The following MAP3K3 variants were observed in gnomAD, a reference collection of about 807,000 sequenced individuals.
MAP3K3 encodes MAP/ERK kinase kinase 3.
In MAP3K3, 12 loss-of-function variants were observed where a neutral mutation model predicts 80.9. The ratio of observed to expected loss-of-function variants is 0.15; its 90% CI spans 0.10 to 0.24. The LOEUF (loss-of-function observed/expected upper bound fraction) is 0.24, where lower values mean the gene tolerates loss of function less well. MAP3K3 is among the 10% of genes least tolerant of loss of function. MAP3K3 has a pLI of 1.00. For synonymous variants in MAP3K3, 272 were observed against 307.1 expected, an observed-to-expected ratio of 0.89 and a Z score of 1.19; for missense variants, 596 against 834.7, an observed-to-expected ratio of 0.71 and a Z score of 3.52.
intron 6 of MAP3K3, among the ~76,000 whole-genome samples, chr17:63,675,537 G>C (rs936017491): frequency 1.3e-5 from 2 of 152,196 alleles, no homozygotes; most frequent in Admixed American, 6.5e-5. Context: ...CATATCCGAG[G>C]GTGAGAGTGT....
chr17:63,651,428 AT>A (rs11327647), intron 3 of MAP3K3, among the ~76,000 whole-genome samples: 49,458 of 151,964 alleles, frequency 0.33, 9,337 homozygotes, highest in African/African-American at 0.52. Flanking sequence ...AGCCGTTATC[AT>A]TGCCACTGCA....
chr17:63,695,858 C>T lies in MAP3K3; in HGVS notation c.*2081C>T, dbSNP rs1003759883. On this transcript the variant is annotated 3_prime_UTR_variant, in exon 16 of 16. Transcript: ENST00000361733. The surrounding 1 kb of genome is among the most constrained non-coding windows in gnomAD (Gnocchi z 4.1). ...AAAACAGACCCTAATTTTTTTGTGC[C>T]AAAAACTGTGGACATGCTGGCTCAG... 1 of 152,534 alleles carries T rather than the reference C, an allele frequency of 6.6e-6. No individual in the cohort carries two copies. The highest frequency in any genetic ancestry group is 2.4e-5 in the African/African-American group (1 of 41,450). The allele number at this position is 152,534 out of a possible 1,614,324, so 9.4% of individuals were successfully genotyped here. A position where few individuals can be genotyped will look rare whatever the true frequency, so the allele number is the denominator to read the frequency against.
At chr17:63,649,449 GT>G (rs2034606542) in intron 3 of MAP3K3, among the ~76,000 whole-genome samples, 1 of 75,428 alleles carries the variant, frequency 1.3e-5, no homozygotes, top group Admixed American at 1.1e-4. Context: ...AAAAAAAAAA[GT>G]AGACAGGATC....
At chr17:63,688,461 C>T in intron 8 of MAP3K3, 66 bp from the exon 9 acceptor site, 14 of 1,291,556 alleles carry the variant, frequency 1.1e-5, no homozygotes, top group Non-Finnish European at 1.5e-5. Context: ...GGGAGACTGC[C>T]TGGACGCCCT....
At chr17:63,669,031 C>T (rs2035051527) in intron 6 of MAP3K3, among the ~76,000 whole-genome samples, 1 of 152,158 alleles carries the variant, frequency 6.6e-6, no homozygotes, top group South Asian at 2.1e-4. Flanking sequence ...GGCATGATCA[C>T]AAAAGAACTT....
At chr17:63,678,900 G>A (rs1229070183) in intron 6 of MAP3K3, among the ~76,000 whole-genome samples, 1 of 152,058 alleles carries the variant, frequency 6.6e-6, no homozygotes, top group African/African-American at 2.4e-5. Flanking sequence ...TATGGTGACG[G>A]CCACCTGTAA....
At chr17:63,651,303 T>C (rs891663786) in intron 3 of MAP3K3, among the ~76,000 whole-genome samples, 2 of 152,094 alleles carry the variant, frequency 1.3e-5, no homozygotes, top group African/African-American at 4.8e-5. Flanking sequence ...GGGCAACTTA[T>C]TGAGGCCCAT....
At chr17:63,668,061 T>C (rs555442543) in intron 6 of MAP3K3, 2 of 151,986 alleles carry the variant, frequency 1.3e-5, no homozygotes, top group South Asian at 4.1e-4. Flanking sequence ...TCTGGTCTTA[T>C]CAAACATCGT....
chr17:63,688,221 T>C (rs2035501202), intron 8 of MAP3K3: 2 of 460,332 alleles, frequency 4.3e-6, no homozygotes, highest in South Asian at 4.6e-5. Flanking sequence ...AAGGATTCTC[T>C]TGGAGCTCTT....
chr17:63,678,756 G>A (rs934013521), intron 6 of MAP3K3, among the ~76,000 whole-genome samples: 1 of 152,232 alleles, frequency 6.6e-6, no homozygotes, highest in African/African-American at 2.4e-5. Flanking sequence ...TCAACTGGGT[G>A]CAGTGGCTGA....
intron 1 of MAP3K3, among the ~76,000 whole-genome samples, chr17:63,625,919 C>T (rs940017751): frequency 1.3e-5 from 2 of 151,904 alleles, no homozygotes; most frequent in African/African-American, 4.8e-5. Context: ...TAAAAACACA[C>T]AAACTTAGCT....
intron 2 of MAP3K3, among the ~76,000 whole-genome samples, chr17:63,642,707 T>G (rs2034466557): frequency 6.6e-6 from 1 of 152,082 alleles, no homozygotes; most frequent in Non-Finnish European, 1.5e-5. Flanking sequence ...GAATGAAAGC[T>G]GTTATGTGTG....
rs572735264 is a variant in MAP3K3, at chr17:63,692,059, G to A, written c.1475-183G>A. 2.4e-4 allele frequency among the ~76,000 whole-genome samples: 36 copies of A among 152,316 alleles called. No homozygotes were observed. The highest frequency in any genetic ancestry group is 8.7e-4 in the African/African-American group (36 of 41,572). On this transcript the variant is annotated intron_variant, in intron 14 of 15. Transcript: ENST00000361733. This position sits in a 1 kb window ranked among gnomAD's most constrained non-coding sequence, Gnocchi z 4.5. ...GTTCCCTCTACATGTGGGCCTTGGA[G>A]ATGGTCATTTTGTGCGGTAGATCTG... is the stretch of plus-strand genomic sequence containing the variant.
chr17:63,648,439 G>T (rs974100185), intron 3 of MAP3K3, among the ~76,000 whole-genome samples: 3 of 152,122 alleles, frequency 2.0e-5, no homozygotes, highest in African/African-American at 7.2e-5. Context: ...CTCTCAAAAG[G>T]CTTCAGAAAC....
Position 63,693,408 on chromosome 17 carries a change from A to T in MAP3K3, c.1653-141A>T, listed in dbSNP as rs2143644366. The T allele has an allele frequency of 1.5e-6, 1 of 651,050 alleles. No homozygotes were observed. Among genetic ancestry groups the T allele is most frequent in the Non-Finnish European group, 2.6e-6 (1 of 378,882 alleles). 40.3% of individuals were successfully genotyped at this position (651,050 alleles called of 1,614,324 possible). On this transcript the variant is annotated intron_variant, in intron 15 of 15. Coordinates refer to ENST00000361733, the MANE Select transcript of MAP3K3 (RefSeq NM_002401.5). This position sits in a 1 kb window ranked among gnomAD's most constrained non-coding sequence, Gnocchi z 4.2. Reference sequence around the variant, plus strand: ...GTCCATGAAGCCCACGTGGACAGACATCCAAGCTGAGGTATCCCTCAGCTT... The same window carrying T: ...GTCCATGAAGCCCACGTGGACAGACTTCCAAGCTGAGGTATCCCTCAGCTT...
chr17:63,643,497 G>A (rs1477548326), intron 2 of MAP3K3, among the ~76,000 whole-genome samples: 3 of 152,016 alleles, frequency 2.0e-5, no homozygotes, highest in African/African-American at 7.3e-5. Context: ...GGTGGCAGGA[G>A]TAAGACCCTG....
intron 8 of MAP3K3, among the ~76,000 whole-genome samples, chr17:63,687,050 C>G (rs2035465255): frequency 6.6e-6 from 1 of 152,082 alleles, no homozygotes; most frequent in African/African-American, 2.4e-5. Context: ...AGAACATAGA[C>G]TTTGGGTTCA....
At chr17:63,660,006 AGAGCAGGAC>A (rs980040413) in intron 5 of MAP3K3, among the ~76,000 whole-genome samples, 3 of 152,162 alleles carry the variant, frequency 2.0e-5, no homozygotes, top group African/African-American at 4.8e-5. Flanking sequence ...ACTTGGTGGA[AGAGCAGGAC>A]GAGCAGTATA....
In MAP3K3 at chr17:63,689,900, A is replaced by G. The variant is rs1487926104; in HGVS notation, c.1063+165A>G. On this transcript the variant is annotated intron_variant, in intron 11 of 15. Transcript: ENST00000361733. The surrounding 1 kb of genome is among the most constrained non-coding windows in gnomAD (Gnocchi z 4.3). ...GGAGTGTCTGAAGCCTGGCTCCACT[A>G]TTGTGTGACAAGCCTCTTCTCCTCT... The G allele has an allele frequency of 1.5e-6, 1 of 648,924 alleles. No individual in the cohort carries two copies. Among genetic ancestry groups the G allele is most frequent in the Non-Finnish European group, 2.6e-6 (1 of 385,178 alleles). 40.2% of individuals were successfully genotyped at this position (648,924 alleles called of 1,614,324 possible).
Sources: allele counts gnomAD v4.1 joint callset (sites outside exome capture counted in the v4.1 genomes callset), GRCh38; gene constraint gnomAD v4.1.1; non-coding constraint Gnocchi (gnomAD v3.1); transcripts MANE v1.5; gene names NCBI Gene and HGNC (gene_info 2026-07-23, HGNC 2026-07-21).